Variants in PTGER3 observed in about 807,000 individuals in gnomAD.
The protein encoded by PTGER3 is prostaglandin E2 receptor EP3 subtype.
PTGER3 carries 22 observed loss-of-function variants against 34.7 expected under a neutral mutation model. The observed-to-expected ratio is 0.63, with a 90% confidence interval of 0.45 to 0.91. The LOEUF is 0.91. PTGER3 is among the 40% of genes least tolerant of loss of function. The pLI, the probability that PTGER3 is intolerant of heterozygous loss-of-function variation, is 0.00. For missense variants in PTGER3, 468 were observed against 519.4 expected (o/e 0.90, Z 0.96); for synonymous variants, 241 against 230.1 (o/e 1.05, Z -0.43).
intron 1 of PTGER3, among the ~76,000 whole-genome samples, chr1:71,044,036 G>A (rs939567361): frequency 1.3e-5 from 2 of 151,296 alleles, no homozygotes; most frequent in Non-Finnish European, 3.0e-5. Context: ...TGCTGGTCTC[G>A]AACTGCTGAC....
At chr1:70,926,043 A>T (rs1648050729) in intron 4 of PTGER3, among the ~76,000 whole-genome samples, 1 of 152,172 alleles carries the variant, frequency 6.6e-6, no homozygotes, top group Non-Finnish European at 1.5e-5. Flanking sequence ...TAGTGAAATA[A>T]AATGCTCATA....
At position 71,047,631 on chromosome 1, in the gene PTGER3, G is replaced by T; in HGVS notation, c.-54C>A. 1 of 1,457,096 alleles carries T rather than the reference G, an allele frequency of 6.9e-7. No homozygotes were observed. The highest frequency in any genetic ancestry group is 9.1e-7 in the Non-Finnish European group (1 of 1,101,388). The allele number at this position is 1,457,096 out of a possible 1,614,324, so 90.3% of individuals were successfully genotyped here. The stretch of plus-strand genomic sequence containing the variant: ...GTCCAGAGAGCCGCAGCGGGAGGGG[G>T]CAGACGCGGCGCGGGCGGCGGCGGA... On this transcript the variant is annotated 5_prime_UTR_variant, in exon 1 of 4. An upstream open reading frame in the 5' UTR gains an earlier in-frame stop. Coordinates refer to ENST00000306666, the MANE Select transcript of PTGER3 (RefSeq NM_198719.2).
intron 4 of PTGER3, among the ~76,000 whole-genome samples, chr1:70,908,803 A>T (rs1292402661): frequency 2.0e-5 from 3 of 152,216 alleles, no homozygotes; most frequent in African/African-American, 7.2e-5. Flanking sequence ...GTAAAACATC[A>T]TTAAGTCCTT....
chr1:70,986,965 T>C (rs1264717243), intron 2 of PTGER3, among the ~76,000 whole-genome samples: 1 of 152,214 alleles, frequency 6.6e-6, no homozygotes, highest in African/African-American at 2.4e-5. Flanking sequence ...TTGTTCTTTC[T>C]AGAAAAATTT....
chr1:70,927,052 GC>G (rs1330147576), intron 4 of PTGER3, among the ~76,000 whole-genome samples: 1 of 152,278 alleles, frequency 6.6e-6, no homozygotes, highest in African/African-American at 2.4e-5. Flanking sequence ...TGGTGGATAA[GC>G]TTTTTGATGT....
chr1:70,907,762 A>T (rs1215340935), intron 4 of PTGER3, among the ~76,000 whole-genome samples: 1 of 152,188 alleles, frequency 6.6e-6, no homozygotes, highest in Non-Finnish European at 1.5e-5. Flanking sequence ...CTGAGACCTC[A>T]CAGAGAGTTC....
intron 4 of PTGER3, among the ~76,000 whole-genome samples, chr1:70,934,043 T>C (rs1235475948): frequency 2.0e-5 from 3 of 152,172 alleles, no homozygotes; most frequent in Non-Finnish European, 4.4e-5. Context: ...CTCATTTTTC[T>C]CACAATTATA....
chr1:70,852,728 A>G (rs1645708297), exon 5 of PTGER3: 9 of 1,309,582 alleles, frequency 6.9e-6, no homozygotes, highest in South Asian at 2.5e-5. Context: ...GCTTGGGGGA[A>G]GAAGTAAAAG....
intron 2 of PTGER3, among the ~76,000 whole-genome samples, chr1:70,989,674 G>T (rs1434451460): frequency 1.3e-5 from 2 of 152,162 alleles, no homozygotes; most frequent in African/African-American, 4.8e-5. Context: ...AGAAGGCTGT[G>T]CAGTTAGAAT....
chr1:70,989,512 GT>G (rs1655236242), intron 2 of PTGER3, among the ~76,000 whole-genome samples: 1 of 152,018 alleles, frequency 6.6e-6, no homozygotes, highest in Non-Finnish European at 1.5e-5. Context: ...TGATGTCTGA[GT>G]TTTCATGAGC....
chr1:70,853,697 GAAAA>G (rs988436305), intron 4 of PTGER3, among the ~76,000 whole-genome samples: 16 of 152,142 alleles, frequency 1.1e-4, no homozygotes, highest in African/African-American at 3.6e-4. Context: ...ATAAGAAAAA[GAAAA>G]AACGTGTTTT....
chr1:70,976,619 T>C (rs544677510), intron 2 of PTGER3, among the ~76,000 whole-genome samples: 1 of 152,286 alleles, frequency 6.6e-6, no homozygotes, highest in Admixed American at 6.5e-5. Context: ...ATCCTGCATA[T>C]TGTTTCCAAG....
chr1:70,918,662 GGGCCTTACT>G (rs1022764520), intron 4 of PTGER3, among the ~76,000 whole-genome samples: 9 of 151,920 alleles, frequency 5.9e-5, no homozygotes, highest in African/African-American at 2.2e-4. Flanking sequence ...TTCACAATCT[GGGCCTTACT>G]CTCCTCACCA....
At chr1:70,958,060 G>A (rs544612381) in intron 2 of PTGER3, among the ~76,000 whole-genome samples, 1 of 152,232 alleles carries the variant, frequency 6.6e-6, no homozygotes, top group Admixed American at 6.5e-5. Context: ...CTGCATGTGT[G>A]TGTGTTTGTG....
chr1:70,931,415 G>T (rs1648682890), intron 4 of PTGER3, among the ~76,000 whole-genome samples: 1 of 152,200 alleles, frequency 6.6e-6, no homozygotes, highest in Non-Finnish European at 1.5e-5. Context: ...CAGTGCCCCA[G>T]TAGGGACTCT....
chr1:71,047,422 C>T lies in PTGER3; in HGVS notation c.156G>A (p.Val52=). Residue 52 remains valine, a synonymous_variant, in exon 1 of 4, where the codon GTG becomes GTA. Coordinates refer to ENST00000306666, the MANE Select transcript of PTGER3 (RefSeq NM_198719.2). ...GSGEDCGSVS[V]AFPITMLLTG... is the part of the protein sequence containing the mutation. ...TGAGCAGCATGGTGATCGGGAAGGC[C>T]ACGGACACCGATCCGCAATCCTCGC... 1 of 1,611,714 alleles carries T rather than the reference C, an allele frequency of 6.2e-7. No homozygotes were observed. The highest frequency in any genetic ancestry group is 8.5e-7 in the Non-Finnish European group (1 of 1,179,708).
intron 2 of PTGER3, chr1:71,006,592 G>C (rs1656988878): frequency 1.0e-6 from 1 of 979,104 alleles, no homozygotes; most frequent in South Asian, 4.7e-5. Flanking sequence ...CAATAATCTT[G>C]AGATAATAAA....
chr1:70,971,767 A>G (rs995398075), intron 3 of PTGER3, 34 bp from the exon 4 acceptor site: 6 of 1,406,692 alleles, frequency 4.3e-6, no homozygotes, highest in African/African-American at 1.5e-5. Context: ...TGCAATAAGC[A>G]TGGATGGGGA....
intron 2 of PTGER3, among the ~76,000 whole-genome samples, chr1:70,954,345 G>A (rs936235464): frequency 6.6e-6 from 1 of 152,006 alleles, no homozygotes; most frequent in Non-Finnish European, 1.5e-5. Flanking sequence ...CTTTTATGAG[G>A]CTTCATTTTG....
Sources: gnomAD v4.1 joint callset for allele counts (sites outside exome capture counted in the v4.1 genomes callset) on GRCh38, gnomAD v4.1.1 for gene constraint, MANE v1.5 for transcripts, NCBI Gene and HGNC (gene_info 2026-07-23, HGNC 2026-07-21) for gene names.